The following LDLRAD3 variants were observed in gnomAD, a reference collection of about 807,000 sequenced individuals.
LDLRAD3 encodes low density lipoprotein receptor class A domain containing 3.
A neutral mutation model predicts 29.4 loss-of-function variants in LDLRAD3; 20 were observed. The ratio of observed to expected loss-of-function variants is 0.68; its 90% CI spans 0.48 to 0.99. The LOEUF is 0.99. LDLRAD3 is among the 50% of genes least tolerant of loss of function. The probability of loss-of-function intolerance (pLI) is 0.00; values close to 1 mark genes in which losing one functional copy is unlikely to be tolerated. For missense variants in LDLRAD3, 420 were observed against 454.3 expected (o/e 0.92, Z 0.69); for synonymous variants, 157 against 192.7 (o/e 0.81, Z 1.53).
chr11:36,101,700 T>G (rs986824294), intron 4 of LDLRAD3, among the ~76,000 whole-genome samples: 2 of 152,100 alleles, frequency 1.3e-5, no homozygotes, highest in Admixed American at 1.3e-4. Flanking sequence ...TCTTGCATCA[T>G]GTAACCTCTA....
chr11:36,189,025 G>T (rs1854898783), intron 4 of LDLRAD3, among the ~76,000 whole-genome samples: 1 of 150,872 alleles, frequency 6.6e-6, no homozygotes, highest in Non-Finnish European at 1.5e-5. Context: ...CATTCACATA[G>T]CATGCTTTCA....
intron 4 of LDLRAD3, among the ~76,000 whole-genome samples, chr11:36,177,845 G>C (rs1854701890): frequency 1.3e-5 from 2 of 152,224 alleles, no homozygotes. Flanking sequence ...ATGCTTTCAA[G>C]AGAGCATCAG....
At chr11:36,098,187 G>A (rs888322548) in intron 3 of LDLRAD3, 140 bp from the exon 4 acceptor site, 14 of 1,018,270 alleles carry the variant, frequency 1.4e-5, no homozygotes, top group Admixed American at 2.5e-5. Context: ...CAGCCTTACA[G>A]CATGGGCTTT....
intron 3 of LDLRAD3, among the ~76,000 whole-genome samples, chr11:36,091,688 C>T (rs1477624096): frequency 6.6e-6 from 1 of 152,132 alleles, no homozygotes; most frequent in Non-Finnish European, 1.5e-5. Flanking sequence ...ATAGAATGTT[C>T]CTCTCCCCAG....
intron 2 of LDLRAD3, among the ~76,000 whole-genome samples, chr11:36,081,192 A>C (rs773603245): frequency 6.6e-6 from 1 of 152,144 alleles, no homozygotes; most frequent in Non-Finnish European, 1.5e-5. Flanking sequence ...CCATCATCCC[A>C]TTGGGTGATT....
intron 2 of LDLRAD3, among the ~76,000 whole-genome samples, chr11:36,071,259 C>T (rs2133245730): frequency 6.6e-6 from 1 of 152,272 alleles, no homozygotes; most frequent in South Asian, 2.1e-4. Flanking sequence ...GAGAATCAGC[C>T]CATCGCAGAC....
In LDLRAD3 at chr11:35,981,057, C is replaced by T. The variant is rs143544450; in HGVS notation, c.46+36913C>T. ...GATTGGTTGGGGGAAATCTCACATACGGGAAGAAGAAGAAAAACAAATATA... is the reference window on the plus strand; with the variant it reads ...GATTGGTTGGGGGAAATCTCACATATGGGAAGAAGAAGAAAAACAAATATA... On this transcript the variant is annotated intron_variant, in intron 1 of 5. Transcript: ENST00000315571. Among the ~76,000 whole-genome samples the T allele has an allele frequency of 8.1e-4, 123 of 152,212 alleles. 3 individuals carry two copies. The highest frequency in any genetic ancestry group is 4.8e-3 in the Admixed American group (73 of 15,288).
rs144377935 is a variant in LDLRAD3, at chr11:36,040,203, A to G, written c.193+3954A>G. 2.1e-3 allele frequency among the ~76,000 whole-genome samples: 323 copies of G among 152,274 alleles called. 2 individuals carry two copies. The highest frequency in any genetic ancestry group is 7.1e-3 in the African/African-American group (296 of 41,572). On this transcript the variant is annotated intron_variant, in intron 2 of 5. Coordinates refer to ENST00000315571, the MANE Select transcript of LDLRAD3 (RefSeq NM_174902.4). Reference sequence around the variant, plus strand: ...GAATTCTTGCCCTTTTCGAAGGGCAAGAAAGAGCCTGGAGAGGTGTGTCAT... The same window carrying G: ...GAATTCTTGCCCTTTTCGAAGGGCAGGAAAGAGCCTGGAGAGGTGTGTCAT...
intron 1 of LDLRAD3, among the ~76,000 whole-genome samples, chr11:35,945,649 TCAATC>T (rs1815065044): frequency 6.6e-6 from 1 of 152,212 alleles, no homozygotes; most frequent in Admixed American, 6.5e-5. Flanking sequence ...ATTCACAAAT[TCAATC>T]TGTGTAGCTG....
intron 4 of LDLRAD3, among the ~76,000 whole-genome samples, chr11:36,133,247 G>A (rs1853953161): frequency 6.9e-6 from 1 of 145,270 alleles, no homozygotes; most frequent in South Asian, 2.2e-4. Context: ...TGTTGTCCAG[G>A]TTGGTCTCGA....
At chr11:36,168,851 C>A (rs1318605666) in intron 4 of LDLRAD3, among the ~76,000 whole-genome samples, 1 of 152,160 alleles carries the variant, frequency 6.6e-6, no homozygotes, top group Non-Finnish European at 1.5e-5. Context: ...TCTCAGCTCT[C>A]TAATTCATCA....
chr11:36,175,449 G>A (rs1263962079), intron 4 of LDLRAD3, among the ~76,000 whole-genome samples: 3 of 152,072 alleles, frequency 2.0e-5, no homozygotes, highest in Non-Finnish European at 1.5e-5. Flanking sequence ...GGTATTTAAT[G>A]CTATGAACTT....
intron 4 of LDLRAD3, among the ~76,000 whole-genome samples, chr11:36,136,410 T>A (rs1854004821): frequency 6.6e-6 from 1 of 152,184 alleles, no homozygotes; most frequent in Admixed American, 6.5e-5. Flanking sequence ...TAATCCCCAG[T>A]GCTGGAGGTG....
At chr11:36,144,483 G>T (rs558319593) in intron 4 of LDLRAD3, among the ~76,000 whole-genome samples, 11 of 151,198 alleles carry the variant, frequency 7.3e-5, no homozygotes, top group African/African-American at 1.9e-4. Context: ...TAGGAAGTGA[G>T]GAGCGTCTCT....
intron 4 of LDLRAD3, among the ~76,000 whole-genome samples, chr11:36,162,249 A>G (rs748248913): frequency 1.3e-5 from 2 of 152,194 alleles, no homozygotes; most frequent in East Asian, 1.9e-4. Flanking sequence ...TTTCATCTAC[A>G]TTTTTAGAAA....
intron 1 of LDLRAD3, among the ~76,000 whole-genome samples, chr11:35,969,087 C>T (rs1248865294): frequency 6.6e-6 from 1 of 152,166 alleles, no homozygotes; most frequent in African/African-American, 2.4e-5. Context: ...GCACTTCCCC[C>T]TCAGGACACC....
At chr11:36,110,049 A>G (rs1272717993) in intron 4 of LDLRAD3, 1 of 152,254 alleles carries the variant, frequency 6.6e-6, no homozygotes, top group Non-Finnish European at 1.5e-5. Flanking sequence ...CCATTCGAAG[A>G]AACTGAAGGA....
intron 4 of LDLRAD3, among the ~76,000 whole-genome samples, chr11:36,117,690 G>A (rs915078013): frequency 6.6e-6 from 1 of 152,244 alleles, no homozygotes; most frequent in African/African-American, 2.4e-5. Context: ...CGTGGCTGCT[G>A]TGGTGTCTGC....
intron 2 of LDLRAD3, among the ~76,000 whole-genome samples, chr11:36,058,538 C>T (rs925218501): frequency 3.3e-5 from 5 of 152,142 alleles, no homozygotes; most frequent in Non-Finnish European, 1.5e-5. Flanking sequence ...AAACCCAGTC[C>T]ACTGGTATAG....
Sources: gnomAD v4.1 joint callset for allele counts (sites outside exome capture counted in the v4.1 genomes callset) on GRCh38, gnomAD v4.1.1 for gene constraint, MANE v1.5 for transcripts, NCBI Gene and HGNC (gene_info 2026-07-23, HGNC 2026-07-21) for gene names.